The following RABGAP1L variants were observed in gnomAD, a reference collection of about 807,000 sequenced individuals.
RABGAP1L encodes RAB GTPase activating protein 1 like, also known as rab GTPase-activating protein 1-like.
Under a neutral mutation model 137.7 loss-of-function variants are expected in RABGAP1L, and 63 were observed. That is an observed-to-expected ratio of 0.46 (90% CI 0.37 to 0.56). RABGAP1L has a LOEUF of 0.56. Among genes scored for constraint, RABGAP1L ranks in the 20% least tolerant of loss-of-function variants. The pLI, the probability that RABGAP1L is intolerant of heterozygous loss-of-function variation, is 0.00. For synonymous variants in RABGAP1L, 431 were observed against 433.7 expected, an observed-to-expected ratio of 0.99 and a Z score of 0.08; for missense variants, 1,095 against 1,244.0, an observed-to-expected ratio of 0.88 and a Z score of 1.80.
chr1:174,881,360 A>G (rs1654168038), intron 19 of RABGAP1L, among the ~76,000 whole-genome samples: 1 of 152,112 alleles, frequency 6.6e-6, no homozygotes, highest in African/African-American at 2.4e-5. Flanking sequence ...TTGGGGTATT[A>G]TAAAACTTTC....
chr1:174,762,615 A>G (rs574571151), intron 18 of RABGAP1L, among the ~76,000 whole-genome samples: 4 of 152,268 alleles, frequency 2.6e-5, no homozygotes, highest in African/African-American at 9.6e-5. Context: ...GTTAATCTCT[A>G]TGTGGGGTCT....
intron 18 of RABGAP1L, among the ~76,000 whole-genome samples, chr1:174,798,239 A>AT (rs1348437173): frequency 2.0e-4 from 27 of 134,160 alleles, no homozygotes; most frequent in African/African-American, 9.3e-4. Flanking sequence ...TACTAAAAAT[A>AT]CAAAAAAAAA....
At chr1:174,389,084 T>G (rs1384345327) in intron 12 of RABGAP1L, among the ~76,000 whole-genome samples, 2 of 152,226 alleles carry the variant, frequency 1.3e-5, no homozygotes, top group South Asian at 2.1e-4. Context: ...TCATTACTTA[T>G]CAGCAGAGTG....
chr1:174,173,661 A>G (rs544755103), intron 1 of RABGAP1L, among the ~76,000 whole-genome samples: 3 of 152,016 alleles, frequency 2.0e-5, no homozygotes, highest in East Asian at 3.9e-4. Flanking sequence ...TTTTTTTTCA[A>G]CAAGTATTTA....
chr1:174,327,984 C>CATATATATATATGTATAT (rs1314813386), intron 11 of RABGAP1L, among the ~76,000 whole-genome samples: 2 of 37,876 alleles, frequency 5.3e-5, no homozygotes, highest in African/African-American at 2.2e-4. Flanking sequence ...TATATACACA[C>CATATATATATATGTATAT]ACATATATAT....
At chr1:174,756,185 G>C (rs1684740681) in intron 18 of RABGAP1L, among the ~76,000 whole-genome samples, 1 of 152,160 alleles carries the variant, frequency 6.6e-6, no homozygotes. Flanking sequence ...GTCTGGTTCT[G>C]TTGCCCAGGC....
chr1:174,732,633 T>G (rs564593903), intron 17 of RABGAP1L, among the ~76,000 whole-genome samples: 1 of 152,322 alleles, frequency 6.6e-6, no homozygotes, highest in African/African-American at 2.4e-5. Context: ...TACTCTATTT[T>G]TTTTTAGGAT....
At chr1:174,318,730 T>A (rs1571194875) in intron 11 of RABGAP1L, among the ~76,000 whole-genome samples, 1 of 151,888 alleles carries the variant, frequency 6.6e-6, no homozygotes, top group East Asian at 1.9e-4. Flanking sequence ...CTTTATTTCC[T>A]TACTTTTTAT....
chr1:174,242,133 G>C (rs1005128333), intron 5 of RABGAP1L, among the ~76,000 whole-genome samples: 9 of 152,078 alleles, frequency 5.9e-5, no homozygotes, highest in Admixed American at 2.6e-4. Context: ...GTGCTTTCTT[G>C]CTCAGAGGCT....
At chr1:174,331,612 T>A (rs953018371) in intron 11 of RABGAP1L, among the ~76,000 whole-genome samples, 23 of 152,224 alleles carry the variant, frequency 1.5e-4, no homozygotes, top group Admixed American at 1.5e-3. Context: ...AAATGTCTAT[T>A]ATCAAAAACA....
intron 15 of RABGAP1L, among the ~76,000 whole-genome samples, chr1:174,686,562 C>T (rs910342732): frequency 6.7e-6 from 1 of 148,650 alleles, no homozygotes; most frequent in Non-Finnish European, 1.5e-5. Flanking sequence ...AGCCATCTTT[C>T]TTCTAAAGGA....
intron 10 of RABGAP1L, among the ~76,000 whole-genome samples, chr1:174,283,193 AG>A: frequency 6.6e-6 from 1 of 151,944 alleles, no homozygotes. Flanking sequence ...ACTTGAGGCC[AG>A]GAGTTTGAGA....
intron 19 of RABGAP1L, among the ~76,000 whole-genome samples, chr1:174,858,106 A>G (rs1258043309): frequency 1.3e-5 from 2 of 152,066 alleles, no homozygotes; most frequent in Non-Finnish European, 2.9e-5. Context: ...TTGACCTCCC[A>G]GGCTCAGATG....
At chr1:174,937,052 T>C (rs1362764745) in intron 19 of RABGAP1L, among the ~76,000 whole-genome samples, 1 of 145,476 alleles carries the variant, frequency 6.9e-6, no homozygotes, top group African/African-American at 2.5e-5. Flanking sequence ...TGATCTCGGC[T>C]CACTGCAACC....
rs77377099 is a variant in RABGAP1L at position 174,300,964 on chromosome 1, C to T, written c.1324-4022C>T. Among the ~76,000 whole-genome samples, 802 of 152,288 alleles carry T rather than the reference C, an allele frequency of 5.3e-3. 3 individuals carry two copies. Among genetic ancestry groups the T allele is most frequent in the African/African-American group, 0.018 (737 of 41,554 alleles). ...GATTTTTCTTGGTCACTTTGCCAGT[C>T]GGAGACCTCTGGTTGGTAACACCCC... On this transcript the variant is annotated intron_variant, in intron 10 of 25. Coordinates refer to ENST00000681986, the MANE Select transcript of RABGAP1L (RefSeq NM_001366446.1).
chr1:174,466,850 AT>A (rs1321262044), intron 13 of RABGAP1L, among the ~76,000 whole-genome samples: 2 of 152,146 alleles, frequency 1.3e-5, no homozygotes, highest in Non-Finnish European at 1.5e-5. Flanking sequence ...TCAAACTGAA[AT>A]TTTTTATTCA....
chr1:174,639,274 C>A (rs923815583), intron 14 of RABGAP1L, among the ~76,000 whole-genome samples: 9 of 151,836 alleles, frequency 5.9e-5, no homozygotes, highest in Non-Finnish European at 1.2e-4. Context: ...TCATTCAGAG[C>A]TAGAAATATA....
intron 11 of RABGAP1L, among the ~76,000 whole-genome samples, chr1:174,306,833 C>T (rs992758080): frequency 1.3e-5 from 2 of 152,074 alleles, no homozygotes; most frequent in Non-Finnish European, 2.9e-5. Flanking sequence ...AGCTAAATGA[C>T]AGATGTTTAC....
intron 13 of RABGAP1L, among the ~76,000 whole-genome samples, chr1:174,424,310 G>A (rs191326306): frequency 6.6e-6 from 1 of 152,200 alleles, no homozygotes; most frequent in Admixed American, 6.5e-5. Flanking sequence ...CTTAAGTAGA[G>A]ATATTGGCTA....
Sources: gnomAD v4.1 joint callset for allele counts (sites outside exome capture counted in the v4.1 genomes callset) on GRCh38, gnomAD v4.1.1 for gene constraint, MANE v1.5 for transcripts, NCBI Gene and HGNC (gene_info 2026-07-23, HGNC 2026-07-21) for gene names.